The following ATM variants were observed in gnomAD, a reference collection of about 807,000 sequenced individuals.
ATM encodes ATM serine/threonine kinase, also known as serine-protein kinase ATM.
In ATM, 308 loss-of-function variants were observed where a neutral mutation model predicts 387.0. The ratio of observed to expected loss-of-function variants is 0.80; its 90% CI spans 0.73 to 0.87. The LOEUF (loss-of-function observed/expected upper bound fraction) is 0.87, where lower values mean the gene tolerates loss of function less well. Ranked by LOEUF, ATM falls within the 40% of genes least tolerant of loss-of-function variation. The pLI is 0.00. For synonymous variants in ATM, 1,156 were observed against 1,187.3 expected (o/e 0.97, Z 0.54); for missense variants, 3,312 against 3,560.9 (o/e 0.93, Z 1.78).
chr11:108,266,469 A>T (rs2081246128), intron 16 of ATM, among the ~76,000 whole-genome samples: 1 of 126,048 alleles, frequency 7.9e-6, no homozygotes, highest in Non-Finnish European at 1.6e-5. Context: ...GGAATATCAC[A>T]CTCTGTGGAC....
chr11:108,361,522 G>A (rs1324703308), intron 61 of ATM, among the ~76,000 whole-genome samples: 1 of 151,984 alleles, frequency 6.6e-6, no homozygotes, highest in African/African-American at 2.4e-5. Context: ...AAAGCTGGAG[G>A]CATCACACTA....
At position 108,332,028 on chromosome 11, in the gene ATM, G is replaced by A. The variant is rs770321620; in HGVS notation, c.7779G>A (p.Gln2593=). ...ITKNVPKQSS[Q]LDEDRTEAAN... ...AAAATGTGCCTAAACAAAGCTCTCA[G>A]CTTGATGAGGTATTTGGATTAAACA... The change falls in exon 52 of 63, where the codon CAG becomes CAA. Residue 2593 remains glutamine, a synonymous_variant. Transcript: ENST00000675843. 5.6e-6 allele frequency: 9 copies of A among 1,613,640 alleles called. No individual in the cohort carries two copies. In the African/African-American group the frequency reaches 1.2e-4, roughly 22 times the overall value.
intron 33 of ATM, among the ~76,000 whole-genome samples, chr11:108,297,746 G>A (rs2083204405): frequency 6.6e-6 from 1 of 152,078 alleles, no homozygotes; most frequent in African/African-American, 2.4e-5. Context: ...TTTGTCATTT[G>A]GGATATTGGG....
intron 58 of ATM, chr11:108,346,384 A>G (rs1591268552): frequency 6.5e-6 from 1 of 153,540 alleles, no homozygotes; most frequent in Admixed American, 6.5e-5. Flanking sequence ...TTTGTGTACA[A>G]TATATATTTT....
intron 57 of ATM, among the ~76,000 whole-genome samples, chr11:108,343,735 C>G (rs1318621344): frequency 6.6e-6 from 1 of 152,066 alleles, no homozygotes; most frequent in Non-Finnish European, 1.5e-5. Flanking sequence ...TCCCTTGAAC[C>G]CAGGATTTTG....
intron 5 of ATM, among the ~76,000 whole-genome samples, chr11:108,236,940 A>T (rs1306051069): frequency 3.9e-5 from 6 of 152,336 alleles, no homozygotes; most frequent in African/African-American, 1.2e-4. Context: ...CAGGTGTCAA[A>T]GTCTTCTAAT....
chr11:108,289,753 T>G lies in ATM; in HGVS notation c.4388T>G (p.Phe1463Cys), dbSNP rs138327406. Residue 1463 changes from phenylalanine to cysteine, a missense_variant, in exon 29 of 63, where the codon TTT becomes TGT. Coordinates refer to ENST00000675843, the MANE Select transcript of ATM (RefSeq NM_000051.4). ...IKSGLGGAWA[F>C]VLRDVIYTLI... ...AGTGGCTTAGGAGGAGCTTGGGCCT[T>G]TGTTCTTCGAGACGTTATTTATACT... 9.0e-4 allele frequency: 1,447 copies of G among 1,613,668 alleles called. 11 individuals are homozygous for G. Among genetic ancestry groups the G allele is most frequent in the Middle Eastern group, 2.8e-3 (16 of 5,740 alleles).
intron 26 of ATM, among the ~76,000 whole-genome samples, chr11:108,285,213 G>A (rs1344507113): frequency 6.6e-6 from 1 of 152,034 alleles, no homozygotes; most frequent in East Asian, 1.9e-4. Flanking sequence ...TCCCACCTCA[G>A]CCTCCCAAAG....
Position 108,307,730 on chromosome 11 carries a change from T to C in ATM, c.5675-167T>C, listed in dbSNP as rs4988058. On this transcript the variant is annotated intron_variant, in intron 37 of 62. Transcript: ENST00000675843. ...TCACTTTTTTTAAGATAACAGTTTC[T>C]TTTAAAAGCAAAAGAAATCCTATTA... Among the ~76,000 whole-genome samples the C allele has an allele frequency of 2.0e-3, 308 of 152,354 alleles. 2 individuals carry two copies. The highest frequency in any genetic ancestry group is 6.9e-3 in the African/African-American group (289 of 41,590).
At chr11:108,286,312 C>CA (rs34917552) in intron 26 of ATM, among the ~76,000 whole-genome samples, 710 of 47,174 alleles carry the variant, frequency 0.015, 55 homozygotes, top group African/African-American at 0.035. Flanking sequence ...GATTTCGTCT[C>CA]AAAAAAAAAA....
chr11:108,320,532 A>G (rs927468527), intron 44 of ATM, among the ~76,000 whole-genome samples: 1 of 152,220 alleles, frequency 6.6e-6, no homozygotes, highest in Non-Finnish European at 1.5e-5. Flanking sequence ...AAAATTTACT[A>G]TCATTTAAGT....
chr11:108,249,159 TC>T, intron 9 of ATM, 57 bp downstream of exon 9: 2 of 1,597,116 alleles, frequency 1.3e-6, no homozygotes, highest in Admixed American at 3.3e-5. Flanking sequence ...ATGTTATTTT[TC>T]AGAAAACTTT....
chr11:108,234,979 C>G (rs1002077868), intron 4 of ATM, among the ~76,000 whole-genome samples: 3 of 152,120 alleles, frequency 2.0e-5, no homozygotes, highest in African/African-American at 7.2e-5. Context: ...ATAAAGAGTG[C>G]CAAAAAACTT....
intron 5 of ATM, among the ~76,000 whole-genome samples, chr11:108,238,899 A>C (rs946346017): frequency 6.6e-6 from 1 of 152,206 alleles, no homozygotes; most frequent in African/African-American, 2.4e-5. Context: ...TTGTGTAATC[A>C]TCTCCACCAT....
chr11:108,293,531 T>C, intron 31 of ATM, 54 bp downstream of exon 31: 1 of 1,450,868 alleles, frequency 6.9e-7, no homozygotes, highest in Non-Finnish European at 9.6e-7. Flanking sequence ...AGTAGTACTT[T>C]TCAAAAATCT....
At chr11:108,275,122 G>A (rs1405557564) in intron 22 of ATM, among the ~76,000 whole-genome samples, 1 of 152,174 alleles carries the variant, frequency 6.6e-6, no homozygotes, top group Non-Finnish European at 1.5e-5. Context: ...ATCATGTAAT[G>A]TCCTTCTTTG....
intron 59 of ATM, among the ~76,000 whole-genome samples, chr11:108,352,615 G>C (rs1174083091): frequency 6.6e-6 from 1 of 152,174 alleles, no homozygotes; most frequent in Non-Finnish European, 1.5e-5. Flanking sequence ...CTACAAATGT[G>C]TATAGCAGCT....
At chr11:108,264,519 A>G (rs552264630) in intron 16 of ATM, among the ~76,000 whole-genome samples, 2,951 of 152,134 alleles carry the variant, frequency 0.019, 91 homozygotes, top group African/African-American at 0.067. Flanking sequence ...TCCCACAGCC[A>G]ATATCATACT....
rs932670554 is a variant in ATM, at chr11:108,332,980, A to G, written c.7927+80A>G. Reference sequence around the variant, plus strand: ...AGATATATTAGTTATAGAGCCTAATAAGTAAATCTGCTTAAAATCACAAAC... The same window carrying G: ...AGATATATTAGTTATAGAGCCTAATGAGTAAATCTGCTTAAAATCACAAAC... On this transcript the variant is annotated intron_variant, in intron 53 of 62. Coordinates refer to ENST00000675843, the MANE Select transcript of ATM (RefSeq NM_000051.4). 7.3e-6 allele frequency: 11 copies of G among 1,514,964 alleles called. No individual in the cohort carries two copies. In the East Asian group the frequency reaches 2.3e-4, roughly 31 times the overall value. The allele number at this position is 1,514,964 out of a possible 1,614,324, so 93.8% of individuals were successfully genotyped here. A position where few individuals can be genotyped will look rare whatever the true frequency, so the allele number is the denominator to read the frequency against.
Sources: gnomAD v4.1 joint callset for allele counts (sites outside exome capture counted in the v4.1 genomes callset) on GRCh38, gnomAD v4.1.1 for gene constraint, MANE v1.5 for transcripts, NCBI Gene and HGNC (gene_info 2026-07-23, HGNC 2026-07-21) for gene names.